MYO1D: variants seen among roughly 807,000 people sequenced by gnomAD.
MYO1D encodes the protein myosin ID.
MYO1D carries 83 observed loss-of-function variants against 122.0 expected under a neutral mutation model. The observed-to-expected ratio is 0.68, with a 90% CI of 0.57 to 0.82. The LOEUF (loss-of-function observed/expected upper bound fraction) is 0.82. Ranked by LOEUF, MYO1D falls within the 40% of genes least tolerant of loss-of-function variation. The pLI is 0.00. For synonymous variants in MYO1D, 464 were observed against 446.9 expected (o/e 1.04, Z -0.48); for missense variants, 1,157 against 1,269.5 (o/e 0.91, Z 1.35).
chr17:32,711,400 C>A (rs962381837), intron 16 of MYO1D, among the ~76,000 whole-genome samples: 2 of 152,220 alleles, frequency 1.3e-5, no homozygotes, highest in African/African-American at 4.8e-5. Flanking sequence ...GTAATCCCAG[C>A]ACTTTGGGAG....
chr17:32,560,820 G>A (rs993720856), intron 21 of MYO1D, among the ~76,000 whole-genome samples: 10 of 150,080 alleles, frequency 6.7e-5, no homozygotes, highest in South Asian at 2.1e-4. Context: ...GGGTTTCATC[G>A]TGTTGTTCAG....
At chr17:32,689,892 AT>A (rs1303654000) in intron 16 of MYO1D, among the ~76,000 whole-genome samples, 1 of 150,746 alleles carries the variant, frequency 6.6e-6, no homozygotes, top group Non-Finnish European at 1.5e-5. Context: ...CTAATTTTTA[AT>A]TTTTGTATTT....
intron 19 of MYO1D, among the ~76,000 whole-genome samples, chr17:32,649,702 G>A (rs1349805136): frequency 1.3e-5 from 2 of 151,750 alleles, no homozygotes; most frequent in Non-Finnish European, 2.9e-5. Flanking sequence ...CTCCCGAGCA[G>A]CTGGGATTGC....
chr17:32,534,137 A>G (rs1910590913), intron 21 of MYO1D, among the ~76,000 whole-genome samples: 1 of 152,152 alleles, frequency 6.6e-6, no homozygotes, highest in Non-Finnish European at 1.5e-5. Flanking sequence ...CCCCATCCAT[A>G]TGCAATAATT....
At chr17:32,721,790 T>C (rs2089515324) in intron 14 of MYO1D, among the ~76,000 whole-genome samples, 1 of 152,192 alleles carries the variant, frequency 6.6e-6, no homozygotes, top group Non-Finnish European at 1.5e-5. Flanking sequence ...CTAGCAATCC[T>C]TCCCTCTGTG....
chr17:32,595,679 T>C (rs2087484695), intron 21 of MYO1D, among the ~76,000 whole-genome samples: 1 of 152,214 alleles, frequency 6.6e-6, no homozygotes, highest in African/African-American at 2.4e-5. Context: ...AACAGTTATT[T>C]ACAGGGAACC....
intron 20 of MYO1D, among the ~76,000 whole-genome samples, chr17:32,622,842 C>T (rs2087870746): frequency 6.6e-6 from 1 of 152,124 alleles, no homozygotes; most frequent in South Asian, 2.1e-4. Flanking sequence ...CATTTTGGGC[C>T]TCAACATTCA....
At chr17:32,764,543 A>G (rs2090035306) in intron 8 of MYO1D, among the ~76,000 whole-genome samples, 1 of 152,118 alleles carries the variant, frequency 6.6e-6, no homozygotes, top group Admixed American at 6.5e-5. Flanking sequence ...AACATATACA[A>G]TTATTGTCAA....
intron 16 of MYO1D, among the ~76,000 whole-genome samples, chr17:32,686,019 A>G (rs1466430909): frequency 6.6e-6 from 1 of 152,222 alleles, no homozygotes; most frequent in East Asian, 1.9e-4. Flanking sequence ...GGTAGGCTGA[A>G]CAATGGTCCT....
intron 20 of MYO1D, among the ~76,000 whole-genome samples, chr17:32,620,801 G>C (rs570788681): frequency 1.8e-4 from 28 of 152,250 alleles, no homozygotes; most frequent in African/African-American, 6.7e-4. Context: ...TGATGTAGGG[G>C]GAGGAGCCAG....
chr17:32,771,522 C>T (rs2090112635), intron 5 of MYO1D, among the ~76,000 whole-genome samples: 1 of 152,180 alleles, frequency 6.6e-6, no homozygotes, highest in African/African-American at 2.4e-5. Flanking sequence ...AAAACAGGAT[C>T]CTATGCTCTG....
At chr17:32,503,195 C>T (rs1179506100) in intron 21 of MYO1D, among the ~76,000 whole-genome samples, 1 of 152,224 alleles carries the variant, frequency 6.6e-6, no homozygotes, top group Non-Finnish European at 1.5e-5. Flanking sequence ...GTGGGACAGG[C>T]CACTCCTGTC....
intron 21 of MYO1D, among the ~76,000 whole-genome samples, chr17:32,600,163 A>G (rs2087546409): frequency 6.6e-6 from 1 of 152,250 alleles, no homozygotes; most frequent in Non-Finnish European, 1.5e-5. Context: ...AGGTCTCAAC[A>G]GTGGGCTTAA....
intron 16 of MYO1D, among the ~76,000 whole-genome samples, chr17:32,660,668 T>G (rs1285610584): frequency 6.7e-6 from 1 of 148,948 alleles, no homozygotes; most frequent in Non-Finnish European, 1.5e-5. Context: ...GATGGTAACC[T>G]AGAGTTCACA....
chr17:32,748,162 G>C (rs1439054719), intron 12 of MYO1D, among the ~76,000 whole-genome samples: 2 of 152,164 alleles, frequency 1.3e-5, no homozygotes, highest in Non-Finnish European at 1.5e-5. Flanking sequence ...TATACTTTCT[G>C]ATCAATTTCT....
chr17:32,771,193 G>C lies in MYO1D; in HGVS notation c.646C>G (p.Leu216Val). Residue 216 changes from leucine to valine, a missense_variant, in exon 6 of 22, where the codon CTA (leucine) becomes GTA (valine). Coordinates refer to ENST00000318217, the MANE Select transcript of MYO1D (RefSeq NM_015194.3). ...GATTTCTGGAGATGTAGAGAGCGTA[G>C]CATTTGTTCTGAACCTCCTTGGAGT... Reference protein sequence around the residue: ...QLLQGGSEQMLRSLHLQKSLS... With the variant: ...QLLQGGSEQMVRSLHLQKSLS... 1.9e-6 allele frequency: 3 copies of C among 1,611,428 alleles called. No homozygotes were observed. The highest frequency in any genetic ancestry group is 2.5e-6 in the Non-Finnish European group (3 of 1,177,860).
At chr17:32,665,434 T>A (rs1464880408) in intron 16 of MYO1D, among the ~76,000 whole-genome samples, 1 of 152,218 alleles carries the variant, frequency 6.6e-6, no homozygotes, top group African/African-American at 2.4e-5. Flanking sequence ...TTAATAATAT[T>A]TGCCGAATGA....
At chr17:32,831,675 T>C (rs1443668842) in intron 1 of MYO1D, among the ~76,000 whole-genome samples, 1 of 152,224 alleles carries the variant, frequency 6.6e-6, no homozygotes, top group Non-Finnish European at 1.5e-5. Context: ...CAGAATTGTG[T>C]GCTGTTAAAA....
intron 16 of MYO1D, among the ~76,000 whole-genome samples, chr17:32,708,127 C>T (rs185576033): frequency 3.3e-5 from 5 of 152,006 alleles, no homozygotes; most frequent in South Asian, 2.1e-4. Context: ...TGAGGACTCT[C>T]GACATAGGGG....
Sources: allele counts gnomAD v4.1 joint callset (sites outside exome capture counted in the v4.1 genomes callset), GRCh38; gene constraint gnomAD v4.1.1; transcripts MANE v1.5; gene names NCBI Gene and HGNC (gene_info 2026-07-23, HGNC 2026-07-21).